The following ADAMTS16 variants were observed in gnomAD, a reference collection of about 807,000 sequenced individuals.
ADAMTS16 encodes A disintegrin and metalloproteinase with thrombospondin motifs 16.
A neutral mutation model predicts 145.8 loss-of-function variants in ADAMTS16; 94 were observed. The observed-to-expected ratio is 0.64, with a 90% CI of 0.55 to 0.77. ADAMTS16 has a LOEUF of 0.77. Ranked by LOEUF, ADAMTS16 falls within the 30% of genes least tolerant of loss-of-function variation. The pLI is 0.00. For synonymous variants in ADAMTS16, 659 were observed against 604.3 expected, an observed-to-expected ratio of 1.09 and a Z score of -1.33; for missense variants, 1,585 against 1,591.5, an observed-to-expected ratio of 1.00 and a Z score of 0.07.
chr5:5,237,065 A>T lies in ADAMTS16; in HGVS notation c.2120A>T (p.Asp707Val). 6.2e-7 allele frequency: 1 copy of T among 1,614,146 alleles called. No individual in the cohort carries two copies. Among genetic ancestry groups the T allele is most frequent in the Non-Finnish European group, 8.5e-7 (1 of 1,180,008 alleles). Reference protein sequence around the residue: ...KVKDGTPCSEDSRNVCIDGIC... With the variant: ...KVKDGTPCSEVSRNVCIDGIC... ...AAAGATGGGACTCCATGCTCGGAGG[A>T]TAGCCGTAATGTTTGTATAGATGGG... Residue 707 changes from aspartate to valine, a missense_variant, in exon 14 of 23, where the codon GAT (aspartate) becomes GTT (valine). Asp to Val is a radical substitution (Grantham distance 152). Transcript: ENST00000274181.
chr5:5,291,232 T>A (rs1343499006), intron 18 of ADAMTS16, among the ~76,000 whole-genome samples: 8 of 152,120 alleles, frequency 5.3e-5, no homozygotes, highest in African/African-American at 1.9e-4. Flanking sequence ...GTCAGGTCTT[T>A]GTTGATTTTC....
intron 3 of ADAMTS16, among the ~76,000 whole-genome samples, chr5:5,148,932 G>A (rs559207078): frequency 9.3e-4 from 142 of 152,192 alleles, no homozygotes; most frequent in African/African-American, 3.3e-3. Context: ...GGTGGAGAGT[G>A]TCAGGGTAGG....
chr5:5,309,880 C>T (rs1310345905), intron 21 of ADAMTS16, among the ~76,000 whole-genome samples: 1 of 150,436 alleles, frequency 6.6e-6, no homozygotes, highest in Non-Finnish European at 1.5e-5. Context: ...GAGGGAGAGG[C>T]GCTGCCAGAG....
At chr5:5,244,515 GC>G (rs1553994169) in intron 17 of ADAMTS16, among the ~76,000 whole-genome samples, 5 of 152,144 alleles carry the variant, frequency 3.3e-5, no homozygotes, top group Non-Finnish European at 2.9e-5. Context: ...TTTTGAACAA[GC>G]CTTTCATGTC....
rs76446958 is a variant in ADAMTS16 at position 5,258,180 on chromosome 5, A to G, written c.2663-4477A>G. ...TTGATTGAATCATCCGCCGTTAGTG[A>G]TTAGCCAAGTCTCAAGCCTCTCTCC... On this transcript the variant is annotated intron_variant, in intron 17 of 22. Transcript: ENST00000274181. Among the ~76,000 whole-genome samples, 1,391 of 152,276 alleles carry G rather than the reference A, an allele frequency of 9.1e-3. 32 individuals carry two copies. Among genetic ancestry groups the G allele is most frequent in the East Asian group, 0.076 (395 of 5,166 alleles).
intron 13 of ADAMTS16, among the ~76,000 whole-genome samples, chr5:5,236,201 G>A (rs1266433770): frequency 6.6e-6 from 1 of 152,052 alleles, no homozygotes; most frequent in Non-Finnish European, 1.5e-5. Context: ...ATTCAGTTGG[G>A]CCTCTTATCT....
chr5:5,183,332 G>T (rs1735395222), intron 4 of ADAMTS16, among the ~76,000 whole-genome samples: 1 of 152,210 alleles, frequency 6.6e-6, no homozygotes, highest in Non-Finnish European at 1.5e-5. Flanking sequence ...GTTTGAAAAG[G>T]GCGTGCATAT....
rs140085603 is a variant in ADAMTS16 at position 5,249,415 on chromosome 5, G to C, written c.2662+7224G>C. Among the ~76,000 whole-genome samples the C allele has an allele frequency of 3.0e-4, 45 of 152,216 alleles. 1 individual carries two copies. The highest frequency in any genetic ancestry group is 7.2e-4 in the Admixed American group (11 of 15,284). ...GCACGGTGTTCTGAACATGAGATGG[G>C]AGAGTGCCCTTGACTCCCTGCATGA... On this transcript the variant is annotated intron_variant, in intron 17 of 22. Transcript: ENST00000274181.
intron 18 of ADAMTS16, among the ~76,000 whole-genome samples, chr5:5,267,904 T>C (rs2913667): frequency 0.99 from 150,947 of 152,292 alleles, 74,818 homozygotes; most frequent in East Asian, 1. Flanking sequence ...TGTCCACTAA[T>C]ACATCCCAAT....
intron 11 of ADAMTS16, among the ~76,000 whole-genome samples, chr5:5,231,662 C>T (rs766952163): frequency 6.6e-6 from 1 of 152,150 alleles, no homozygotes; most frequent in Non-Finnish European, 1.5e-5. Flanking sequence ...CTGTTGGACA[C>T]GGTGTTAAAT....
At position 5,239,867 on chromosome 5, in the gene ADAMTS16, A is replaced by G. The variant is rs761149795; in HGVS notation, c.2465A>G (p.Tyr822Cys). Residue 822 changes from tyrosine (Y) to cysteine (C), a missense_variant, in exon 16 of 23, where the codon TAT (tyrosine) becomes TGT (cysteine). This residue lies in a region of ADAMTS16 where 834 missense variants were observed against 811.7 expected (regional missense o/e 1.03). Transcript: ENST00000274181. The stretch of plus-strand genomic sequence containing the variant: ...ACTACTTTCGACTACAGACGGTCCT[A>G]TAATGAGCCCGAGAACTTAATCGCT... Reference protein sequence around the residue: ...SGTTFDYRRSYNEPENLIATG... With the variant: ...SGTTFDYRRSCNEPENLIATG... 2 of 1,614,006 alleles carry G rather than the reference A, an allele frequency of 1.2e-6. No homozygotes were observed. The highest frequency in any genetic ancestry group is 1.1e-5 in the South Asian group (1 of 91,072).
At chr5:5,167,120 G>T (rs549997705) in intron 3 of ADAMTS16, among the ~76,000 whole-genome samples, 1 of 152,086 alleles carries the variant, frequency 6.6e-6, no homozygotes, top group South Asian at 2.1e-4. Context: ...AACTTCTTAT[G>T]CTTCACATTT....
At chr5:5,170,503 C>T (rs534388975) in intron 3 of ADAMTS16, among the ~76,000 whole-genome samples, 4 of 152,156 alleles carry the variant, frequency 2.6e-5, no homozygotes, top group Admixed American at 6.5e-5. Context: ...CTCAGCCCCC[C>T]GAGTAGCTGG....
intron 11 of ADAMTS16, among the ~76,000 whole-genome samples, chr5:5,225,113 C>T (rs1736721839): frequency 6.6e-6 from 1 of 152,030 alleles, no homozygotes; most frequent in African/African-American, 2.4e-5. Context: ...AAGTTCTGTC[C>T]AGGGTCACCT....
rs1734398540 is a variant in ADAMTS16 at position 5,149,721 on chromosome 5, C to T, written c.501+3266C>T. ...AATAAACCCTTATGGGCAGTTCTCA[C>T]TTCCCCTAATTTCCCCATTCCCATC... is the stretch of plus-strand genomic sequence containing the variant. On this transcript the variant is annotated intron_variant, in intron 3 of 22. Transcript: ENST00000274181. Among the ~76,000 whole-genome samples, 6 of 152,194 alleles carry T rather than the reference C, an allele frequency of 3.9e-5. No homozygotes were observed. The South Asian group carries it at 1.2e-3, about 31-fold the overall frequency.
intron 18 of ADAMTS16, among the ~76,000 whole-genome samples, chr5:5,267,382 C>T (rs1359058131): frequency 1.3e-5 from 2 of 152,156 alleles, no homozygotes; most frequent in Admixed American, 6.5e-5. Context: ...AATTGGATCA[C>T]ACATGGGCTT....
intron 17 of ADAMTS16, among the ~76,000 whole-genome samples, chr5:5,247,771 CAAGGCTGTCAGGGA>C (rs779307932): frequency 1.3e-5 from 2 of 152,230 alleles, no homozygotes; most frequent in Non-Finnish European, 2.9e-5. Flanking sequence ...ATTGACAAGT[CAAGGCTGTCAGGGA>C]AATCAGCTAG....
chr5:5,182,455 AGTCCCTT>A, intron 4 of ADAMTS16, 150 bp downstream of exon 4: 1 of 1,027,816 alleles, frequency 9.7e-7, no homozygotes, highest in Non-Finnish European at 1.4e-6. Context: ...TTCCAGAGAG[AGTCCCTT>A]ATCTGTAAGT....
intron 17 of ADAMTS16, among the ~76,000 whole-genome samples, chr5:5,258,440 C>T (rs1737872735): frequency 6.6e-6 from 1 of 152,234 alleles, no homozygotes; most frequent in African/African-American, 2.4e-5. Context: ...TAAGACCCAG[C>T]CACGGACCTG....
Sources: gnomAD v4.1 joint callset for allele counts (sites outside exome capture counted in the v4.1 genomes callset) on GRCh38, gnomAD v4.1.1 for gene constraint, gnomAD v4.1.1 regional missense constraint, MANE v1.5 for transcripts, NCBI Gene and HGNC (gene_info 2026-07-23, HGNC 2026-07-21) for gene names.